Variants in EYS observed in about 807,000 individuals in gnomAD.
The protein encoded by EYS is protein eyes shut homolog.
EYS carries 250 observed loss-of-function variants against 282.1 expected under a neutral mutation model. That is an observed-to-expected ratio of 0.89 (90% CI 0.80 to 0.98). The LOEUF (loss-of-function observed/expected upper bound fraction) is 0.98. Ranked by LOEUF, EYS falls within the 50% of genes least tolerant of loss-of-function variation. The probability of loss-of-function intolerance (pLI) is 0.00; values close to 1 mark genes in which losing one functional copy is unlikely to be tolerated. For missense variants in EYS, 4,016 were observed against 3,709.0 expected (o/e 1.08, Z -2.15); for synonymous variants, 1,355 against 1,282.9 (o/e 1.06, Z -1.20).
intron 24 of EYS, among the ~76,000 whole-genome samples, chr6:64,597,614 A>G (rs887568036): frequency 3.3e-5 from 5 of 152,234 alleles, no homozygotes; most frequent in African/African-American, 1.2e-4. Flanking sequence ...ACACAGAAAG[A>G]CAAATACCCA....
chr6:64,287,381 C>G (rs1403889797), intron 30 of EYS, among the ~76,000 whole-genome samples: 2 of 151,954 alleles, frequency 1.3e-5, no homozygotes, highest in African/African-American at 4.8e-5. Context: ...GGGATTTTAT[C>G]TACAATTTTA....
chr6:65,415,641 T>TA (rs1767201758), intron 5 of EYS, among the ~76,000 whole-genome samples: 1 of 151,884 alleles, frequency 6.6e-6, no homozygotes, highest in Non-Finnish European at 1.5e-5. Flanking sequence ...AAGACAAAAA[T>TA]AGATGGGCAA....
At chr6:65,582,172 G>A (rs1159984511) in intron 2 of EYS, among the ~76,000 whole-genome samples, 1 of 149,582 alleles carries the variant, frequency 6.7e-6, no homozygotes, top group Non-Finnish European at 1.5e-5. Context: ...CTCCAGCCTG[G>A]TCGACAGAGT....
chr6:64,102,473 C>A (rs1310555472), intron 31 of EYS, among the ~76,000 whole-genome samples: 15 of 152,036 alleles, frequency 9.9e-5, no homozygotes, highest in Non-Finnish European at 2.2e-4. Context: ...TCCCATAAGG[C>A]AAAACCAAGA....
At chr6:65,158,708 T>A (rs921868203) in intron 12 of EYS, among the ~76,000 whole-genome samples, 23 of 150,892 alleles carry the variant, frequency 1.5e-4, no homozygotes, top group African/African-American at 4.6e-4. Flanking sequence ...AATGAAAGTA[T>A]TGTAATTTCA....
intron 36 of EYS, among the ~76,000 whole-genome samples, chr6:63,839,804 T>A (rs1771904331): frequency 6.6e-6 from 1 of 152,176 alleles, no homozygotes; most frequent in African/African-American, 2.4e-5. Context: ...CACACTGTTT[T>A]CCACAATGGC....
intron 2 of EYS, among the ~76,000 whole-genome samples, chr6:65,498,364 G>T (rs1233482567): frequency 2.0e-5 from 3 of 152,054 alleles, no homozygotes; most frequent in Non-Finnish European, 4.4e-5. Flanking sequence ...CAGCAGCTTA[G>T]TTGAAAAGGA....
chr6:64,002,082 C>T (rs987098716), intron 33 of EYS, among the ~76,000 whole-genome samples: 3 of 152,146 alleles, frequency 2.0e-5, no homozygotes, highest in Admixed American at 6.5e-5. Context: ...AGCTGATTGT[C>T]GACACCAGCA....
intron 31 of EYS, among the ~76,000 whole-genome samples, chr6:64,120,183 T>TAA (rs879344072): frequency 7.3e-6 from 1 of 136,472 alleles, no homozygotes; most frequent in Non-Finnish European, 1.6e-5. Flanking sequence ...CTGTCTCTAC[T>TAA]AAAAAAAAAA....
At chr6:65,120,293 A>G (rs1418371339) in intron 12 of EYS, among the ~76,000 whole-genome samples, 1 of 151,792 alleles carries the variant, frequency 6.6e-6, no homozygotes, top group Admixed American at 6.6e-5. Flanking sequence ...TAAATCAGAA[A>G]ACATACTTTA....
chr6:63,861,906 T>C (rs1053470472), intron 36 of EYS, among the ~76,000 whole-genome samples: 1 of 152,200 alleles, frequency 6.6e-6, no homozygotes, highest in Non-Finnish European at 1.5e-5. Context: ...CTGTTGTTTA[T>C]AAGTCACCCA....
intron 36 of EYS, among the ~76,000 whole-genome samples, chr6:63,863,158 A>C (rs1206780570): frequency 6.6e-6 from 1 of 152,246 alleles, no homozygotes; most frequent in Admixed American, 6.5e-5. Flanking sequence ...TGTCAAAGGA[A>C]TAAATGTTTT....
At chr6:64,388,615 T>C in intron 29 of EYS, 75 bp downstream of exon 29, 5 of 1,334,358 alleles carry the variant, frequency 3.7e-6, no homozygotes, top group Non-Finnish European at 4.9e-6. Flanking sequence ...AAAGTTTTTC[T>C]TTTTCATTTA....
chr6:64,163,904 T>C (rs1022611181), intron 31 of EYS, among the ~76,000 whole-genome samples: 4 of 152,108 alleles, frequency 2.6e-5, no homozygotes, highest in African/African-American at 7.2e-5. Flanking sequence ...AATCCTGAAC[T>C]AGTTTATAAG....
intron 12 of EYS, among the ~76,000 whole-genome samples, chr6:65,135,599 G>T (rs1052264167): frequency 7.2e-5 from 11 of 151,948 alleles, no homozygotes; most frequent in Non-Finnish European, 1.5e-4. Flanking sequence ...AAAGTTTTCT[G>T]CTAAACACTT....
chr6:64,820,594 A>G (rs1764871654), intron 21 of EYS, among the ~76,000 whole-genome samples: 1 of 152,132 alleles, frequency 6.6e-6, no homozygotes, highest in Non-Finnish European at 1.5e-5. Flanking sequence ...GCTTTTTAAA[A>G]CTGTGTGTCA....
intron 15 of EYS, among the ~76,000 whole-genome samples, chr6:64,932,605 A>G (rs1158942956): frequency 2.6e-5 from 4 of 151,962 alleles, no homozygotes; most frequent in Non-Finnish European, 4.4e-5. Flanking sequence ...CAGGCCTAAG[A>G]AAGATATAAA....
chr6:65,254,676 A>G (rs1767413467), intron 12 of EYS, among the ~76,000 whole-genome samples: 1 of 151,844 alleles, frequency 6.6e-6, no homozygotes, highest in Non-Finnish European at 1.5e-5. Flanking sequence ...CCAATTTATT[A>G]CTGTTCAAAA....
Position 63,782,280 on chromosome 6 carries a change from A to G in EYS, c.7724-4100T>C, listed in dbSNP as rs567088588. 3.9e-5 allele frequency among the ~76,000 whole-genome samples: 6 copies of G among 152,238 alleles called. No homozygotes were observed. The East Asian group carries it at 9.6e-4, about 24-fold the overall frequency. On this transcript the variant is annotated intron_variant, in intron 39 of 42. Transcript: ENST00000503581. ...CTGCCCTCATAAAATGAATTAGGGA[A>G]GATTCCCTCTTTTTCTATTGATTGG...
Sources: gnomAD v4.1 joint callset for allele counts (sites outside exome capture counted in the v4.1 genomes callset) on GRCh38, gnomAD v4.1.1 for gene constraint, MANE v1.5 for transcripts, NCBI Gene and HGNC (gene_info 2026-07-23, HGNC 2026-07-21) for gene names.